The following TTC7A variants were observed in gnomAD, a reference collection of about 807,000 sequenced individuals.
TTC7A encodes tetratricopeptide repeat protein 7A.
Under a neutral mutation model 103.7 loss-of-function variants are expected in TTC7A, and 110 were observed. The observed-to-expected ratio is 1.06, with a 90% CI of 0.91 to 1.24. TTC7A has a LOEUF of 1.24. Among genes scored for constraint, TTC7A ranks in the 50% most tolerant of loss-of-function variants. The pLI, the probability that TTC7A is intolerant of heterozygous loss-of-function variation, is 0.00. For synonymous variants in TTC7A, 521 were observed against 467.9 expected (o/e 1.11, Z -1.47); for missense variants, 1,340 against 1,116.3 (o/e 1.20, Z -2.86).
chr2:46,946,469 G>A (rs1670946849), intron 1 of TTC7A, among the ~76,000 whole-genome samples: 1 of 151,982 alleles, frequency 6.6e-6, no homozygotes, highest in South Asian at 2.1e-4. Flanking sequence ...TGTTGCCTAG[G>A]CTGGAGTGCA....
At chr2:46,925,864 C>A (rs1259983240) in intron 2 of TTC7A, among the ~76,000 whole-genome samples, 5 of 152,168 alleles carry the variant, frequency 3.3e-5, no homozygotes, top group Admixed American at 3.3e-4. Flanking sequence ...ATACCAGTTC[C>A]ACAAGATTCC....
At chr2:47,023,371 A>G (rs368332035) in intron 12 of TTC7A, 37 bp from the exon 13 acceptor site, 2 of 1,612,002 alleles carry the variant, frequency 1.2e-6, no homozygotes, top group Non-Finnish European at 1.7e-6. Flanking sequence ...CCCTTCAGTG[A>G]CCCCTGATGG....
At chr2:46,993,409 C>G in intron 5 of TTC7A, 41 bp from the exon 6 acceptor site, 1 of 1,600,774 alleles carries the variant, frequency 6.2e-7, no homozygotes, top group Non-Finnish European at 8.6e-7. Context: ...TCTTTGCGAG[C>G]TAGGCTGGTA....
At chr2:46,999,901 T>C in intron 8 of TTC7A, 1 of 985,308 alleles carries the variant, frequency 1.0e-6, no homozygotes, top group Non-Finnish European at 1.2e-6. Context: ...TAGGTAAGTC[T>C]CTGGGTCCTG....
chr2:47,018,763 TA>T (rs1678965212), intron 11 of TTC7A, among the ~76,000 whole-genome samples: 1 of 152,164 alleles, frequency 6.6e-6, no homozygotes, highest in Non-Finnish European at 1.5e-5. Context: ...TGCCCCATCT[TA>T]TCTCATCCTG....
chr2:47,029,394 C>T lies in TTC7A; in HGVS notation c.1802+10C>T. 3 of 1,613,190 alleles carry T rather than the reference C, an allele frequency of 1.9e-6. No homozygotes were observed. Among genetic ancestry groups the T allele is most frequent in the African/African-American group, 2.7e-5 (2 of 75,068 alleles). On this transcript the variant is annotated intron_variant, in intron 15 of 19. Coordinates refer to ENST00000319190, the MANE Select transcript of TTC7A (RefSeq NM_020458.4). ...ACCCTGAGAACTTCAAGTGAGTGCC[C>T]TGGGAACACTCTGGCAGTGGGGGAG...
At chr2:46,918,061 T>C (rs1205869442) in intron 2 of TTC7A, among the ~76,000 whole-genome samples, 3 of 152,218 alleles carry the variant, frequency 2.0e-5, no homozygotes, top group African/African-American at 7.2e-5. Context: ...TCTCTGACAA[T>C]GACCTCTCTG....
chr2:46,997,023 G>C (rs1469918467), intron 8 of TTC7A, among the ~76,000 whole-genome samples: 1 of 152,044 alleles, frequency 6.6e-6, no homozygotes, highest in Non-Finnish European at 1.5e-5. Context: ...TTATCGTTCA[G>C]ACTGGAGTGC....
At chr2:46,933,633 T>G (rs1669822498) in intron 2 of TTC7A, among the ~76,000 whole-genome samples, 1 of 152,200 alleles carries the variant, frequency 6.6e-6, no homozygotes, top group Non-Finnish European at 1.5e-5. Context: ...CCAATGATCA[T>G]GGTAATGAGT....
intron 3 of TTC7A, among the ~76,000 whole-genome samples, chr2:46,972,500 A>G (rs1322060365): frequency 1.3e-5 from 2 of 152,208 alleles, no homozygotes; most frequent in South Asian, 2.1e-4. Flanking sequence ...TTCTAAGCTG[A>G]TGTCTGGTAC....
intron 11 of TTC7A, among the ~76,000 whole-genome samples, chr2:47,020,703 C>G (rs1679199243): frequency 6.6e-6 from 1 of 152,260 alleles, no homozygotes; most frequent in Non-Finnish European, 1.5e-5. Flanking sequence ...CCTCTCTGCT[C>G]TTTCAGTTTG....
rs78178942 is a variant in TTC7A at position 47,050,383 on chromosome 2, C to T, written c.2017+337C>T. 0.095 allele frequency: 26,096 copies of T among 274,930 alleles called. 2,928 individuals carry two copies. Among genetic ancestry groups the T allele is most frequent in the East Asian group, 0.43 (6,270 of 14,710 alleles). The allele number at this position is 274,930 out of a possible 1,614,324, so 17.0% of individuals were successfully genotyped here. A position where few individuals can be genotyped will look rare whatever the true frequency, so the allele number is the denominator to read the frequency against. ...AGTCCACGTAATGTCCTTGGCAGATCAAGTCAAATAGAAAGGAATGGACTG... is the reference window on the plus strand; with the variant it reads ...AGTCCACGTAATGTCCTTGGCAGATTAAGTCAAATAGAAAGGAATGGACTG... On this transcript the variant is annotated intron_variant, in intron 17 of 19. Transcript: ENST00000319190.
chr2:46,957,437 C>T (rs1285608300), intron 3 of TTC7A, among the ~76,000 whole-genome samples: 1 of 152,230 alleles, frequency 6.6e-6, no homozygotes, highest in East Asian at 1.9e-4. Flanking sequence ...CTGGCGCTGG[C>T]CCCAGAGCAG....
intron 5 of TTC7A, among the ~76,000 whole-genome samples, chr2:46,982,366 C>G (rs1165740738): frequency 6.6e-6 from 1 of 151,790 alleles, no homozygotes; most frequent in Non-Finnish European, 1.5e-5. Context: ...AGAGTGAGAC[C>G]CTCTGTCAAG....
intron 18 of TTC7A, among the ~76,000 whole-genome samples, chr2:47,053,371 C>A (rs1020743615): frequency 6.6e-6 from 1 of 152,232 alleles, no homozygotes; most frequent in Non-Finnish European, 1.5e-5. Flanking sequence ...GCCCCAGCCC[C>A]CACAGCTTCG....
intron 15 of TTC7A, among the ~76,000 whole-genome samples, chr2:47,039,645 C>A (rs4953448): frequency 0.31 from 47,192 of 152,148 alleles, 7,901 homozygotes; most frequent in East Asian, 0.6. Flanking sequence ...GAAATTGTTT[C>A]TCTTTGCCTC....
rs146840012 is a variant in TTC7A at position 46,958,851 on chromosome 2, G to A, written c.517+1844G>A. On this transcript the variant is annotated intron_variant, in intron 3 of 19. Transcript: ENST00000319190. The stretch of plus-strand genomic sequence containing the variant: ...GCCACACCCTTCGGGGGCTGAGGAC[G>A]CTGGTCATTGGTCCTGACTCCGTCT... 3.7e-3 allele frequency among the ~76,000 whole-genome samples: 561 copies of A among 152,320 alleles called. 11 individuals are homozygous for A. The highest frequency in any genetic ancestry group is 0.013 in the African/African-American group (532 of 41,566).
At chr2:46,937,523 C>A (rs1670041236), upstream of TTC7A, among the ~76,000 whole-genome samples, 1 of 152,186 alleles carries the variant, frequency 6.6e-6, no homozygotes, top group Admixed American at 6.5e-5. This position sits in a 1 kb window ranked among gnomAD's most constrained non-coding sequence, Gnocchi z 4.0. Context: ...AGATTTATAG[C>A]AATTCATTTA....
rs750887765 is a variant in TTC7A, at chr2:46,941,630, C to T, written c.89C>T (p.Pro30Leu). ...CRAEGHWDRM[P>L]ELVRQLQTLS... The stretch of plus-strand genomic sequence containing the variant: ...GCCGAGGGCCACTGGGACCGCATGC[C>T]GGAGCTGGTCCGGCAGCTGCAGACG... Residue 30 changes from proline to leucine, a missense_variant, in exon 1 of 20, where the codon CCG becomes CTG. Physicochemically the swap from Pro to Leu is moderately conservative, Grantham distance 98 (BLOSUM62 -3). Coordinates refer to ENST00000319190, the MANE Select transcript of TTC7A (RefSeq NM_020458.4). This position sits in a 1 kb window ranked among gnomAD's most constrained non-coding sequence, Gnocchi z 4.2. The T allele has an allele frequency of 9.0e-6, 14 of 1,554,746 alleles. No homozygotes were observed. The highest frequency in any genetic ancestry group is 1.7e-4 in the Middle Eastern group (1 of 5,926).
Sources: allele counts gnomAD v4.1 joint callset (sites outside exome capture counted in the v4.1 genomes callset), GRCh38; gene constraint gnomAD v4.1.1; non-coding constraint Gnocchi (gnomAD v3.1); transcripts MANE v1.5; gene names NCBI Gene and HGNC (gene_info 2026-07-23, HGNC 2026-07-21).